NKAIN2: variants seen among roughly 807,000 people sequenced by gnomAD.
NKAIN2 encodes sodium/potassium transporting ATPase interacting 2, also known as sodium/potassium-transporting ATPase subunit beta-1-interacting protein 2.
Under a neutral mutation model 32.6 loss-of-function variants are expected in NKAIN2, and 14 were observed. That is an observed-to-expected ratio of 0.43 (90% CI 0.28 to 0.67). The LOEUF (loss-of-function observed/expected upper bound fraction) is 0.67, where lower values mean the gene tolerates loss of function less well. NKAIN2 is among the 30% of genes least tolerant of loss of function. The pLI is 0.17. For synonymous variants in NKAIN2, 80 were observed against 87.2 expected (o/e 0.92, Z 0.46); for missense variants, 198 against 258.3 (o/e 0.77, Z 1.60).
intron 1 of NKAIN2, among the ~76,000 whole-genome samples, chr6:123,905,495 C>T (rs375434555): frequency 4.7e-4 from 72 of 152,112 alleles, no homozygotes; most frequent in African/African-American, 1.7e-3. Context: ...ATATTCCCAG[C>T]CTGTTTACTA....
At position 124,312,164 on chromosome 6, in the gene NKAIN2, AGT is replaced by A. The variant is rs1318590475; in HGVS notation, c.192+29026_192+29027del. On this transcript the variant is annotated intron_variant, in intron 2 of 6. Coordinates refer to ENST00000368417, the MANE Select transcript of NKAIN2 (RefSeq NM_001040214.3). ...CTATGGTCATCCTTCCTTCTGTGTC[AGT>A]GTGAGTGAAAAAAACACAAACTTTA... Among the ~76,000 whole-genome samples, 5 of 152,282 alleles carry A rather than the reference AGT, an allele frequency of 3.3e-5. No homozygotes were observed. The East Asian group carries it at 9.7e-4, about 29-fold the overall frequency.
chr6:123,833,571 A>G (rs1264603008), intron 1 of NKAIN2, among the ~76,000 whole-genome samples: 2 of 152,080 alleles, frequency 1.3e-5, no homozygotes. Context: ...GTATTTTTCA[A>G]TGTATGTACT....
At chr6:123,969,581 C>A (rs1778245832) in intron 1 of NKAIN2, among the ~76,000 whole-genome samples, 1 of 152,132 alleles carries the variant, frequency 6.6e-6, no homozygotes, top group South Asian at 2.1e-4. Context: ...TTCAAGATGC[C>A]TGCCAGAGCT....
At chr6:124,310,649 T>A (rs945412931) in intron 2 of NKAIN2, among the ~76,000 whole-genome samples, 2 of 152,110 alleles carry the variant, frequency 1.3e-5, no homozygotes, top group African/African-American at 4.8e-5. Flanking sequence ...ATTCAGAAAT[T>A]AACTGAAAGC....
chr6:124,669,103 A>T (rs1418895339), intron 4 of NKAIN2, among the ~76,000 whole-genome samples: 1 of 152,128 alleles, frequency 6.6e-6, no homozygotes, highest in Non-Finnish European at 1.5e-5. Flanking sequence ...TGCACATGAC[A>T]ACTTATCACC....
At chr6:124,039,803 A>T (rs895720003) in intron 1 of NKAIN2, among the ~76,000 whole-genome samples, 2 of 151,762 alleles carry the variant, frequency 1.3e-5, no homozygotes, top group African/African-American at 4.8e-5. Context: ...TTTTCTTTTA[A>T]TTATCTTTAC....
intron 3 of NKAIN2, among the ~76,000 whole-genome samples, chr6:124,499,464 A>G (rs551091769): frequency 3.2e-4 from 48 of 152,306 alleles, no homozygotes; most frequent in African/African-American, 1.1e-3. Flanking sequence ...TATTCCAGCT[A>G]TATGATTGCT....
chr6:124,137,222 A>G (rs779990481), intron 1 of NKAIN2, among the ~76,000 whole-genome samples: 1 of 152,088 alleles, frequency 6.6e-6, no homozygotes, highest in Admixed American at 6.5e-5. Context: ...CAACAACCAA[A>G]CTGAGAATTA....
At chr6:124,554,462 A>T (rs1446247253) in intron 3 of NKAIN2, among the ~76,000 whole-genome samples, 2 of 152,230 alleles carry the variant, frequency 1.3e-5, no homozygotes, top group Non-Finnish European at 2.9e-5. Context: ...GGTTGCTTCT[A>T]AGTAGCCTGG....
At chr6:124,613,875 G>A (rs1419783573) in intron 3 of NKAIN2, among the ~76,000 whole-genome samples, 1 of 152,114 alleles carries the variant, frequency 6.6e-6, no homozygotes, top group East Asian at 1.9e-4. Flanking sequence ...CCTAGAAGAT[G>A]CCATTAAATA....
intron 3 of NKAIN2, among the ~76,000 whole-genome samples, chr6:124,624,617 A>G (rs1434217253): frequency 2.0e-5 from 3 of 152,220 alleles, no homozygotes; most frequent in Non-Finnish European, 2.9e-5. Flanking sequence ...CTTCCAAATT[A>G]TGACCAGAAT....
chr6:124,004,697 A>G (rs1480825072), intron 1 of NKAIN2, among the ~76,000 whole-genome samples: 2 of 151,642 alleles, frequency 1.3e-5, no homozygotes, highest in Non-Finnish European at 2.9e-5. Context: ...AACATCACAC[A>G]CCGGGGCCTG....
At chr6:124,094,649 G>A (rs190285713) in intron 1 of NKAIN2, among the ~76,000 whole-genome samples, 143 of 152,128 alleles carry the variant, frequency 9.4e-4, no homozygotes, top group African/African-American at 3.0e-3. Flanking sequence ...TATGTTTTTC[G>A]TTGCTCTGTC....
At chr6:123,824,825 A>G (rs1204498143) in intron 1 of NKAIN2, among the ~76,000 whole-genome samples, 3 of 151,850 alleles carry the variant, frequency 2.0e-5, no homozygotes, top group African/African-American at 7.3e-5. Context: ...CCCTGTTTGG[A>G]GGGAGGACAC....
At chr6:123,998,745 G>C (rs7764781) in intron 1 of NKAIN2, among the ~76,000 whole-genome samples, 108 of 65,116 alleles carry the variant, frequency 1.7e-3, no homozygotes, top group Non-Finnish European at 2.0e-3. Flanking sequence ...CTCTCTCTCT[G>C]TGTGTGTGTG....
intron 4 of NKAIN2, among the ~76,000 whole-genome samples, chr6:124,698,739 T>C (rs138894028): frequency 1.4e-3 from 220 of 152,314 alleles, no homozygotes; most frequent in African/African-American, 4.9e-3. Flanking sequence ...CCATTTTAAT[T>C]TTCCTGTCCA....
chr6:124,732,472 G>A (rs148522962), intron 4 of NKAIN2, among the ~76,000 whole-genome samples: 23 of 152,132 alleles, frequency 1.5e-4, no homozygotes, highest in Middle Eastern at 3.4e-3. Context: ...GTCACTATAC[G>A]CCAAGTACTG....
At chr6:124,525,192 AC>A (rs1220703198) in intron 3 of NKAIN2, among the ~76,000 whole-genome samples, 1 of 152,136 alleles carries the variant, frequency 6.6e-6, no homozygotes, top group Non-Finnish European at 1.5e-5. Context: ...CACCAACGAG[AC>A]CTGTGCACTG....
At chr6:123,985,717 G>A (rs1432758799) in intron 1 of NKAIN2, among the ~76,000 whole-genome samples, 5 of 152,126 alleles carry the variant, frequency 3.3e-5, no homozygotes, top group Admixed American at 3.3e-4. Flanking sequence ...GACGGCTTAT[G>A]GTATGTTTGG....
Sources: gnomAD v4.1 joint callset for allele counts (sites outside exome capture counted in the v4.1 genomes callset) on GRCh38, gnomAD v4.1.1 for gene constraint, MANE v1.5 for transcripts, NCBI Gene and HGNC (gene_info 2026-07-23, HGNC 2026-07-21) for gene names.